NAV3: variants seen among roughly 807,000 people sequenced by gnomAD.
NAV3 encodes the protein pore membrane and/or filament interacting like protein 1.
In NAV3, 87 loss-of-function variants were observed where a neutral mutation model predicts 244.7. The ratio of observed to expected loss-of-function variants is 0.36; its 90% confidence interval spans 0.30 to 0.42. NAV3 has a LOEUF of 0.42. Ranked by LOEUF, NAV3 falls within the 20% of genes least tolerant of loss-of-function variation. The probability of loss-of-function intolerance (pLI) is 1.00; values close to 1 mark genes in which losing one functional copy is unlikely to be tolerated. For missense variants in NAV3, 2,663 were observed against 2,893.3 expected, an observed-to-expected ratio of 0.92 and a Z score of 1.83; for synonymous variants, 1,126 against 1,042.2, an observed-to-expected ratio of 1.08 and a Z score of -1.55.
intron 12 of NAV3, among the ~76,000 whole-genome samples, chr12:78,088,581 T>C (rs1323718000): frequency 6.6e-6 from 1 of 152,158 alleles, no homozygotes; most frequent in African/African-American, 2.4e-5. Context: ...ATTCTACTTG[T>C]TTCTTCTCTC....
chr12:77,815,930 C>T (rs1341873593), intron 2 of NAV3, among the ~76,000 whole-genome samples: 1 of 151,800 alleles, frequency 6.6e-6, no homozygotes, highest in Non-Finnish European at 1.5e-5. Flanking sequence ...GAGTATGCAC[C>T]AGAGGAGGGT....
At chr12:77,636,413 C>T (rs925676121) in intron 2 of NAV3, among the ~76,000 whole-genome samples, 3 of 148,804 alleles carry the variant, frequency 2.0e-5, no homozygotes, top group Non-Finnish European at 3.0e-5. Context: ...TGCAGTGAGC[C>T]GAGATTGCAC....
At chr12:77,973,480 C>T (rs1433691264) in intron 5 of NAV3, among the ~76,000 whole-genome samples, 2 of 152,098 alleles carry the variant, frequency 1.3e-5, no homozygotes, top group East Asian at 1.9e-4. Context: ...CAAAGATGAA[C>T]GTGCTCCTAC....
chr12:77,600,334 G>C (rs1178689706), intron 2 of NAV3, among the ~76,000 whole-genome samples: 1 of 151,830 alleles, frequency 6.6e-6, no homozygotes, highest in Non-Finnish European at 1.5e-5. Flanking sequence ...ACTGACTACT[G>C]ACTGGCCCAG....
At chr12:77,795,638 C>T (rs1412806767) in intron 2 of NAV3, among the ~76,000 whole-genome samples, 1 of 152,110 alleles carries the variant, frequency 6.6e-6, no homozygotes, top group Non-Finnish European at 1.5e-5. Flanking sequence ...TATATGTCAT[C>T]TAAGGCTTTC....
chr12:77,656,715 T>A (rs1293310527), intron 2 of NAV3, among the ~76,000 whole-genome samples: 1 of 147,316 alleles, frequency 6.8e-6, no homozygotes, highest in African/African-American at 2.6e-5. Context: ...GAAGTAAAGC[T>A]CTCCTCAGCA....
At chr12:77,707,914 T>A (rs1363662989) in intron 2 of NAV3, among the ~76,000 whole-genome samples, 1 of 152,226 alleles carries the variant, frequency 6.6e-6, no homozygotes, top group East Asian at 1.9e-4. Context: ...GAGTTGTTTT[T>A]TTCTTGTAAA....
intron 1 of NAV3, among the ~76,000 whole-genome samples, chr12:77,927,213 C>T (rs1204873674): frequency 6.6e-5 from 10 of 152,162 alleles, no homozygotes; most frequent in African/African-American, 2.4e-4. Flanking sequence ...TTGTCACCAG[C>T]ATTATTAGAC....
chr12:77,756,848 A>T (rs1234372530), intron 2 of NAV3, among the ~76,000 whole-genome samples: 1 of 152,172 alleles, frequency 6.6e-6, no homozygotes, highest in African/African-American at 2.4e-5. Context: ...AAAAAATTAT[A>T]TATAGTAGAT....
intron 3 of NAV3, among the ~76,000 whole-genome samples, chr12:77,946,807 T>C (rs1890390008): frequency 6.6e-6 from 1 of 152,150 alleles, no homozygotes; most frequent in South Asian, 2.1e-4. Flanking sequence ...TAGACAAAAA[T>C]GTTAGACATG....
intron 19 of NAV3, among the ~76,000 whole-genome samples, chr12:78,138,665 T>C (rs1348956134): frequency 6.6e-6 from 1 of 152,172 alleles, no homozygotes. Context: ...TCTTCACAGA[T>C]AGGCTTCTTA....
intron 2 of NAV3, among the ~76,000 whole-genome samples, chr12:77,595,436 T>C (rs1310687446): frequency 1.3e-5 from 2 of 152,114 alleles, no homozygotes; most frequent in Non-Finnish European, 2.9e-5. Flanking sequence ...GTTGAAGTTA[T>C]CTGGAATGAG....
intron 2 of NAV3, among the ~76,000 whole-genome samples, chr12:77,723,778 T>TTTTTA (rs1165361705): frequency 3.4e-5 from 5 of 147,628 alleles, no homozygotes; most frequent in Admixed American, 6.8e-5. Flanking sequence ...TTTTTTTTTT[T>TTTTTA]ACATATATCT....
intron 5 of NAV3, among the ~76,000 whole-genome samples, chr12:77,971,077 ATTC>A (rs1892959827): frequency 6.6e-6 from 1 of 151,910 alleles, no homozygotes; most frequent in Non-Finnish European, 1.5e-5. Flanking sequence ...TTATTTTCCT[ATTC>A]TTCTTGCTGG....
chr12:77,873,661 T>C (rs1181654062), intron 1 of NAV3, among the ~76,000 whole-genome samples: 1 of 133,656 alleles, frequency 7.5e-6, no homozygotes, highest in African/African-American at 2.7e-5. Flanking sequence ...TTTTTATATA[T>C]ATACATGATT....
intron 2 of NAV3, among the ~76,000 whole-genome samples, chr12:77,602,518 C>T (rs541280670): frequency 1.3e-5 from 2 of 151,838 alleles, no homozygotes; most frequent in Admixed American, 1.3e-4. Context: ...AAGCTATGTC[C>T]AATGAACTAA....
intron 1 of NAV3, among the ~76,000 whole-genome samples, chr12:77,833,403 G>A (rs1401791199): frequency 6.6e-6 from 1 of 152,216 alleles, no homozygotes; most frequent in Non-Finnish European, 1.5e-5. Context: ...GAATCATTTC[G>A]AAACAGGAAA....
At position 77,708,076 on chromosome 12, in the gene NAV3, C is replaced by G. The variant is rs923013974; in HGVS notation, c.72+135810C>G. On this transcript the variant is annotated intron_variant, in intron 2 of 8. Coordinates refer to the NAV3 transcript ENST00000550042. The stretch of plus-strand genomic sequence containing the variant: ...TCTTTAGTTTAATTAGATCCCATTT[C>G]TCAATTTTGGCTTTTGTTGCCATTG... Among the ~76,000 whole-genome samples the G allele has an allele frequency of 1.4e-4, 21 of 152,160 alleles. No homozygotes were observed. The South Asian group carries it at 1.7e-3, about 12-fold the overall frequency.
At chr12:77,636,844 C>G (rs1872179500) in intron 2 of NAV3, among the ~76,000 whole-genome samples, 1 of 152,130 alleles carries the variant, frequency 6.6e-6, no homozygotes, top group South Asian at 2.1e-4. Flanking sequence ...TTTGCAGGGA[C>G]ATGGATGAGG....
Sources: allele counts gnomAD v4.1 joint callset (sites outside exome capture counted in the v4.1 genomes callset), GRCh38; gene constraint gnomAD v4.1.1; transcripts MANE v1.5; gene names NCBI Gene and HGNC (gene_info 2026-07-23, HGNC 2026-07-21).